Variants in DCLK1 observed in about 807,000 individuals in gnomAD.
DCLK1 encodes the protein serine/threonine-protein kinase DCLK1.
Under a neutral mutation model 86.2 loss-of-function variants are expected in DCLK1, and 16 were observed. The ratio of observed to expected loss-of-function variants is 0.19; its 90% CI spans 0.13 to 0.28. The LOEUF (loss-of-function observed/expected upper bound fraction) is 0.28, where lower values mean the gene tolerates loss of function less well. Ranked by LOEUF, DCLK1 falls within the 10% of genes least tolerant of loss-of-function variation. The pLI, the probability that DCLK1 is intolerant of heterozygous loss-of-function variation, is 1.00. For missense variants in DCLK1, 590 were observed against 940.2 expected, an observed-to-expected ratio of 0.63 and a Z score of 4.87; for synonymous variants, 369 against 370.5, an observed-to-expected ratio of 1.00 and a Z score of 0.05.
chr13:36,015,526 G>C (rs1217331377), intron 3 of DCLK1, among the ~76,000 whole-genome samples: 2 of 152,138 alleles, frequency 1.3e-5, no homozygotes. Context: ...TATTGGACTA[G>C]ATGGAACTTA....
At chr13:35,841,689 G>A (rs1046432232) in intron 6 of DCLK1, among the ~76,000 whole-genome samples, 8 of 152,064 alleles carry the variant, frequency 5.3e-5, no homozygotes, top group South Asian at 2.1e-4. Flanking sequence ...AGAGAAAAAC[G>A]TACTTACGGT....
chr13:35,802,245 T>C lies in DCLK1; in HGVS notation c.1944+3454A>G, dbSNP rs988079411. On this transcript the variant is annotated intron_variant, in intron 15 of 16. Transcript: ENST00000360631. ...TACTTGGGAGGCTGAGGCGGGAGGA[T>C]TGCCTGAGCCCAGGAGGTCGAGGCT... is the stretch of plus-strand genomic sequence containing the variant. 4.6e-5 allele frequency among the ~76,000 whole-genome samples: 7 copies of C among 151,984 alleles called. No homozygotes were observed. In the South Asian group the frequency reaches 6.3e-4, roughly 14 times the overall value.
intron 3 of DCLK1, among the ~76,000 whole-genome samples, chr13:35,950,478 C>A (rs1345552227): frequency 6.6e-6 from 1 of 152,182 alleles, no homozygotes; most frequent in Non-Finnish European, 1.5e-5. Flanking sequence ...GTGTTTCGCA[C>A]AATAATCTGA....
At chr13:35,932,768 A>G (rs764649642) in intron 4 of DCLK1, among the ~76,000 whole-genome samples, 6 of 152,228 alleles carry the variant, frequency 3.9e-5, no homozygotes, top group Non-Finnish European at 7.3e-5. Flanking sequence ...GTACAATTGA[A>G]GATGAGATTT....
chr13:36,111,514 G>T (rs1166908283), intron 3 of DCLK1, among the ~76,000 whole-genome samples: 1 of 152,170 alleles, frequency 6.6e-6, no homozygotes, highest in African/African-American at 2.4e-5. Flanking sequence ...CTACTGGTCA[G>T]AGTTTACTTT....
At chr13:35,802,674 C>G (rs1219507613) in intron 15 of DCLK1, among the ~76,000 whole-genome samples, 11 of 152,088 alleles carry the variant, frequency 7.2e-5, no homozygotes, top group Non-Finnish European at 1.6e-4. Flanking sequence ...AAAAAAGCCA[C>G]CATTCTTCAA....
intron 7 of DCLK1, among the ~76,000 whole-genome samples, chr13:35,837,949 C>T (rs970558206): frequency 2.0e-5 from 3 of 151,616 alleles, no homozygotes; most frequent in Admixed American, 6.6e-5. Context: ...GCCTGTAATC[C>T]CAGCTACTCA....
intron 4 of DCLK1, among the ~76,000 whole-genome samples, chr13:35,888,149 T>C (rs1330509676): frequency 6.6e-6 from 1 of 152,188 alleles, no homozygotes; most frequent in Non-Finnish European, 1.5e-5. Context: ...AGTCTAGTAT[T>C]TATTATCCTG....
chr13:36,001,773 TA>T (rs1880733243), intron 3 of DCLK1, among the ~76,000 whole-genome samples: 1 of 152,122 alleles, frequency 6.6e-6, no homozygotes, highest in South Asian at 2.1e-4. Flanking sequence ...ATTTGGTGGG[TA>T]ATTTTTTTTT....
chr13:35,881,060 C>T (rs1051874049), intron 4 of DCLK1, among the ~76,000 whole-genome samples: 1 of 152,146 alleles, frequency 6.6e-6, no homozygotes, highest in Non-Finnish European at 1.5e-5. Flanking sequence ...GACCATATAA[C>T]AAAACACAAC....
At chr13:36,008,040 C>T (rs1881067538) in intron 3 of DCLK1, among the ~76,000 whole-genome samples, 1 of 150,950 alleles carries the variant, frequency 6.6e-6, no homozygotes. Context: ...TTCTTATGAA[C>T]AAAATATATT....
At chr13:36,036,553 C>G (rs1326011655) in intron 3 of DCLK1, among the ~76,000 whole-genome samples, 1 of 152,094 alleles carries the variant, frequency 6.6e-6, no homozygotes, top group Non-Finnish European at 1.5e-5. Context: ...GGATTGTAAT[C>G]ACAATGACTC....
chr13:35,937,738 G>C (rs1876844270), intron 4 of DCLK1, among the ~76,000 whole-genome samples: 1 of 152,110 alleles, frequency 6.6e-6, no homozygotes, highest in Admixed American at 6.5e-5. Flanking sequence ...TAAAAAAACT[G>C]ATAAAACCCC....
intron 16 of DCLK1, among the ~76,000 whole-genome samples, chr13:35,789,740 C>CAA (rs2086679612): frequency 6.6e-6 from 1 of 152,196 alleles, no homozygotes; most frequent in Non-Finnish European, 1.5e-5. Context: ...TCTTAGTCAT[C>CAA]GGTTCTTCAT....
At chr13:35,873,260 C>CATAAATAA (rs59429399) in intron 4 of DCLK1, among the ~76,000 whole-genome samples, 2 of 151,606 alleles carry the variant, frequency 1.3e-5, no homozygotes, top group African/African-American at 4.9e-5. Flanking sequence ...ATCCCAAAAA[C>CATAAATAA]ATAAATAAAT....
chr13:36,024,850 GCAAT>G (rs1881964299), intron 3 of DCLK1, among the ~76,000 whole-genome samples: 1 of 151,568 alleles, frequency 6.6e-6, no homozygotes, highest in African/African-American at 2.4e-5. Flanking sequence ...AAAAGCTAAA[GCAAT>G]CAAGACAGTA....
At chr13:35,818,642 C>A (rs4555013) in intron 11 of DCLK1, among the ~76,000 whole-genome samples, 84,513 of 151,946 alleles carry the variant, frequency 0.56, 26,914 homozygotes, top group African/African-American at 0.86. Flanking sequence ...TAAAGATTTA[C>A]TTTTCATAAG....
chr13:35,886,232 T>C (rs1194542032), intron 4 of DCLK1, among the ~76,000 whole-genome samples: 2 of 152,016 alleles, frequency 1.3e-5, no homozygotes, highest in Non-Finnish European at 2.9e-5. Flanking sequence ...AGAATGGTCT[T>C]GATCTCCTGA....
At chr13:35,835,961 A>C in intron 8 of DCLK1, 72 bp downstream of exon 8, 1 of 1,122,886 alleles carries the variant, frequency 8.9e-7, no homozygotes. Context: ...GACTGGAAAT[A>C]GAGACACAAT....
Sources: allele counts gnomAD v4.1 joint callset (sites outside exome capture counted in the v4.1 genomes callset), GRCh38; gene constraint gnomAD v4.1.1; transcripts MANE v1.5; gene names NCBI Gene and HGNC (gene_info 2026-07-23, HGNC 2026-07-21).